ARHGEF15: variants seen among roughly 807,000 people sequenced by gnomAD.
The protein encoded by ARHGEF15 is Rho guanine nucleotide exchange factor (GEF) 15.
ARHGEF15 carries 58 observed loss-of-function variants against 79.7 expected under a neutral mutation model. That is an observed-to-expected ratio of 0.73 (90% CI 0.59 to 0.91). ARHGEF15 has a LOEUF of 0.91. ARHGEF15 is among the 40% of genes least tolerant of loss of function. The pLI, the probability that ARHGEF15 is intolerant of heterozygous loss-of-function variation, is 0.00. For missense variants in ARHGEF15, 1,012 were observed against 1,108.1 expected, an observed-to-expected ratio of 0.91 and a Z score of 1.23; for synonymous variants, 442 against 456.0, an observed-to-expected ratio of 0.97 and a Z score of 0.39.
chr17:8,313,062 C>A lies in ARHGEF15; in HGVS notation c.742C>A (p.Arg248Ser), dbSNP rs768143236. The A allele has an allele frequency of 6.2e-7, 1 of 1,613,528 alleles. No individual in the cohort carries two copies. The highest frequency in any genetic ancestry group is 2.2e-5 in the East Asian group (1 of 44,868). ...TCGGGCCTCCCCGCTGCGGACCTCT[C>A]GCTCCCGCCCCCACCCTCCAAGCAT... The part of the protein sequence containing the change: ...PRRASPLRTS[R>S]SRPHPPSIGH... The change falls in exon 3 of 16, where the codon CGC becomes AGC. Residue 248 changes from arginine (R) to serine (S), a missense_variant. This residue lies in a region of ARHGEF15 where 818 missense variants were observed against 882.5 expected (regional missense o/e 0.93). Coordinates refer to ENST00000361926, the MANE Select transcript of ARHGEF15 (RefSeq NM_173728.4).
Position 8,313,560 on chromosome 17 carries a change from T to C in ARHGEF15, c.989+5T>C, listed in dbSNP as rs773497449. The C allele has an allele frequency of 3.5e-5, 57 of 1,612,882 alleles. No individual in the cohort carries two copies. The highest frequency in any genetic ancestry group is 6.7e-5 in the Admixed American group (4 of 59,870). On this transcript the variant is annotated splice_donor_5th_base_variant and intron_variant, in intron 4 of 15. Coordinates refer to ENST00000361926, the MANE Select transcript of ARHGEF15 (RefSeq NM_173728.4). ...TCCAGCAACTGTGGAGGGGAGGTAC[T>C]GAACACCCCCACCCCTACTCCCTGG...
chr17:8,315,152 G>C lies in ARHGEF15; in HGVS notation c.1135G>C (p.Ala379Pro). The C allele has an allele frequency of 1.2e-6, 2 of 1,614,082 alleles. No individual in the cohort carries two copies. The highest frequency in any genetic ancestry group is 2.2e-5 in the South Asian group (2 of 91,078). The change falls in exon 6 of 16, where the codon GCT becomes CCT. Residue 379 changes from alanine (A) to proline (P), a missense_variant. Transcript: ENST00000361926. This position sits in a 1 kb window ranked among gnomAD's most constrained non-coding sequence, Gnocchi z 4.3. Reference protein sequence around the residue: ...GEDGSPSPANAGDAPTFPRPP... With the variant: ...GEDGSPSPANPGDAPTFPRPP... ...GGATGGGAGTCCTTCTCCAGCAAAT[G>C]CTGGAGATGCACCCACCTTCCCACG...
chr17:8,318,962 AGCG>A lies in ARHGEF15; in HGVS notation c.2034-43_2034-41del. 1 of 1,609,410 alleles carries A rather than the reference AGCG, an allele frequency of 6.2e-7. No individual in the cohort carries two copies. ...AGGCTGGAGTGGGCAGGAGGGGTCC[AGCG>A]GGACCCCTGCTGTCCTTCTGAACGA... On this transcript the variant is annotated intron_variant, in intron 12 of 15. Transcript: ENST00000361926. This position sits in a 1 kb window ranked among gnomAD's most constrained non-coding sequence, Gnocchi z 5.0.
rs1905369215 is a variant in ARHGEF15 at position 8,321,239 on chromosome 17, G to A, written c.*246G>A. On this transcript the variant is annotated 3_prime_UTR_variant, in exon 16 of 16. Coordinates refer to ENST00000361926, the MANE Select transcript of ARHGEF15 (RefSeq NM_173728.4). ...AGAGGCTTAGTGCAGAGCAGCCAAT[G>A]GGTACTGAGCTGGCTGAGCCTATGG... 1.9e-6 allele frequency: 1 copy of A among 539,090 alleles called. No individual in the cohort carries two copies. The highest frequency in any genetic ancestry group is 3.3e-6 in the Non-Finnish European group (1 of 304,358). The allele number at this position is 539,090 out of a possible 1,614,324, so 33.4% of individuals were successfully genotyped here.
chr17:8,321,102 G>T lies in ARHGEF15; in HGVS notation c.*109G>T. The T allele has an allele frequency of 6.8e-7, 1 of 1,474,656 alleles. No homozygotes were observed. The highest frequency in any genetic ancestry group is 9.3e-7 in the Non-Finnish European group (1 of 1,077,388). 91.3% of individuals were successfully genotyped at this position (1,474,656 alleles called of 1,614,324 possible). On this transcript the variant is annotated 3_prime_UTR_variant, in exon 16 of 16. Coordinates refer to ENST00000361926, the MANE Select transcript of ARHGEF15 (RefSeq NM_173728.4). The stretch of plus-strand genomic sequence containing the variant: ...ACTGTCAGTGGAGATACTACCTCTC[G>T]TGGCAACCATAGAGATCGAGCTTCA...
chr17:8,315,897 A>G lies in ARHGEF15; in HGVS notation c.1564A>G (p.Ser522Gly). The change falls in exon 8 of 16, where the codon AGC becomes GGC. Residue 522 changes from serine (S) to glycine (G), a missense_variant. Physicochemically the swap from Ser to Gly is moderately conservative, Grantham distance 56. Transcript: ENST00000361926. This position sits in a 1 kb window ranked among gnomAD's most constrained non-coding sequence, Gnocchi z 4.3. ...CCAGCAGTATCAGGAGGAGACCTACAGCCGCCTCATGTGAGTGTCCCAGGG... is the reference window on the plus strand; with the variant it reads ...CCAGCAGTATCAGGAGGAGACCTACGGCCGCCTCATGTGAGTGTCCCAGGG... ...RNQQYQEETY[S>G]RLMDTNVRFS... The G allele has an allele frequency of 1.9e-6, 3 of 1,609,530 alleles. No homozygotes were observed. Among genetic ancestry groups the G allele is most frequent in the Non-Finnish European group, 1.7e-6 (2 of 1,179,924 alleles).
intron 4 of ARHGEF15, chr17:8,313,873 T>C (rs1904833995): frequency 8.2e-6 from 2 of 243,810 alleles, no homozygotes; most frequent in East Asian, 8.1e-5. Flanking sequence ...CTACTAAAAA[T>C]ACAAAAATTA....
intron 4 of ARHGEF15, 61 bp from the exon 5 acceptor site, chr17:8,314,845 C>T: frequency 6.3e-7 from 1 of 1,598,398 alleles, no homozygotes; most frequent in Non-Finnish European, 8.5e-7. Flanking sequence ...TGAGAACAAG[C>T]ACCCCTACGG....
rs1272873784 is a variant in ARHGEF15, at chr17:8,313,041, G to T, written c.721G>T (p.Ala241Ser). 4 of 1,613,420 alleles carry T rather than the reference G, an allele frequency of 2.5e-6. No individual in the cohort carries two copies. In the South Asian group the frequency reaches 3.3e-5, roughly 13 times the overall value. Residue 241 changes from alanine (A) to serine (S), a missense_variant, in exon 3 of 16, where the codon GCC becomes TCC. Physicochemically the swap from Ala to Ser is moderately conservative, Grantham distance 99 (BLOSUM62 1). Around this residue, in one of 3 missense-constraint regions of ARHGEF15, gnomAD observed 818 missense variants for 882.5 expected, o/e 0.93. Coordinates refer to ENST00000361926, the MANE Select transcript of ARHGEF15 (RefSeq NM_173728.4). ...YEEVPRVPRR[A>S]SPLRTSRSRP... ...GGAGGTCCCCAGGGTCCCCCGTCGG[G>T]CCTCCCCGCTGCGGACCTCTCGCTC...
chr17:8,315,935 C>G lies in ARHGEF15; in HGVS notation c.1574+28C>G. The G allele has an allele frequency of 6.2e-7, 1 of 1,605,090 alleles. No homozygotes were observed. ...GAGTGTCCCAGGGGTGGGGAGGAAG[C>G]TGGGGAGAGGGATGGGACCGAGGCC... On this transcript the variant is annotated intron_variant, in intron 8 of 15. Transcript: ENST00000361926. This position sits in a 1 kb window ranked among gnomAD's most constrained non-coding sequence, Gnocchi z 4.3.
At chr17:8,312,807 T>C (rs1193363346) in intron 2 of ARHGEF15, 115 bp from the exon 3 acceptor site, 39 of 1,554,990 alleles carry the variant, frequency 2.5e-5, no homozygotes, top group East Asian at 2.2e-5. Flanking sequence ...AGGAGATCTA[T>C]AGATGCCTGG....
At position 8,319,365 on chromosome 17, in the gene ARHGEF15, G is replaced by A. The variant is rs767983703; in HGVS notation, c.2240G>A (p.Cys747Tyr). Reference protein sequence around the residue: ...GAFPTPGPLPCSPDTIYEDCD... With the variant: ...GAFPTPGPLPYSPDTIYEDCD... The stretch of plus-strand genomic sequence containing the variant: ...TTCCCAACCCCAGGCCCCCTTCCCT[G>A]CTCCCCAGACACCATCTATGAGGAC... Residue 747 changes from cysteine (C) to tyrosine (Y), a missense_variant, in exon 14 of 16, where the codon TGC becomes TAC. Transcript: ENST00000361926. The A allele has an allele frequency of 3.1e-6, 5 of 1,613,976 alleles. No individual in the cohort carries two copies. In the South Asian group the frequency reaches 5.5e-5, roughly 18 times the overall value.
chr17:8,312,829 G>A lies in ARHGEF15; in HGVS notation c.602-93G>A, dbSNP rs1904737029. On this transcript the variant is annotated intron_variant, in intron 2 of 15. Coordinates refer to ENST00000361926, the MANE Select transcript of ARHGEF15 (RefSeq NM_173728.4). ...CTATAGATGCCTGGACCTTGATATT[G>A]CAGTTGCTGGGCAGGTTAAAGATGG... The A allele has an allele frequency of 3.2e-6, 5 of 1,556,866 alleles. No homozygotes were observed. In the African/African-American group the frequency reaches 6.8e-5, roughly 21 times the overall value.
intron 3 of ARHGEF15, 107 bp from the exon 4 acceptor site, chr17:8,313,394 G>T (rs77113746): frequency 3.3e-6 from 5 of 1,502,168 alleles, no homozygotes; most frequent in Non-Finnish European, 4.5e-6. Flanking sequence ...TGGTGCTGAA[G>T]AGAGTTGCAG....
At chr17:8,314,779 T>G in intron 4 of ARHGEF15, 127 bp from the exon 5 acceptor site, 1 of 971,494 alleles carries the variant, frequency 1.0e-6, no homozygotes, top group Non-Finnish European at 1.5e-6. Context: ...AGGTTTGATT[T>G]GGGGAGCCGT....
chr17:8,321,896 GA>G lies in ARHGEF15; in HGVS notation c.*904del, dbSNP rs1398118270. On this transcript the variant is annotated 3_prime_UTR_variant, in exon 16 of 16. Coordinates refer to ENST00000361926, the MANE Select transcript of ARHGEF15 (RefSeq NM_173728.4). ...AACGGCCTGGCAGAGGAGCCCAAGGGACTGAAGATGGCCAGTAGCTGGGTCC... is the reference window on the plus strand; with the variant it reads ...AACGGCCTGGCAGAGGAGCCCAAGGGCTGAAGATGGCCAGTAGCTGGGTCC... The G allele has an allele frequency of 1.3e-5, 2 of 152,572 alleles. No individual in the cohort carries two copies. Among genetic ancestry groups the G allele is most frequent in the Non-Finnish European group, 2.9e-5 (2 of 68,104 alleles). The allele number at this position is 152,572 out of a possible 1,614,324, so 9.5% of individuals were successfully genotyped here. A position where few individuals can be genotyped will look rare whatever the true frequency, so the allele number is the denominator to read the frequency against.
Position 8,310,389 on chromosome 17 carries a change from G to A in ARHGEF15, c.-50+46G>A, listed in dbSNP as rs1474302787. On this transcript the variant is annotated intron_variant, in intron 1 of 15. Coordinates refer to ENST00000361926, the MANE Select transcript of ARHGEF15 (RefSeq NM_173728.4). ...TGCAGAGTTAGGGAGGGAAGCCTGC[G>A]GGAGGGTCCCTGGGTGTGAAATAGG... is the stretch of plus-strand genomic sequence containing the variant. 4.6e-5 allele frequency: 7 copies of A among 152,156 alleles called. No homozygotes were observed. In the South Asian group the frequency reaches 1.0e-3, roughly 22 times the overall value. The allele number at this position is 152,156 out of a possible 1,614,324, so 9.4% of individuals were successfully genotyped here. A position where few individuals can be genotyped will look rare whatever the true frequency, so the allele number is the denominator to read the frequency against.
chr17:8,321,797 T>C lies in ARHGEF15; in HGVS notation c.*804T>C, dbSNP rs1167978798. ...TGGGTGTGGCTTGGCACCCAGGGGA[T>C]GAGAGCCCTGAGCTTTGGGTCTCTT... On this transcript the variant is annotated 3_prime_UTR_variant, in exon 16 of 16. Coordinates refer to ENST00000361926, the MANE Select transcript of ARHGEF15 (RefSeq NM_173728.4). The C allele has an allele frequency of 6.6e-6, 1 of 152,142 alleles. No homozygotes were observed. The highest frequency in any genetic ancestry group is 1.5e-5 in the Non-Finnish European group (1 of 68,044). 9.4% of individuals were successfully genotyped at this position (152,142 alleles called of 1,614,324 possible).
Position 8,315,994 on chromosome 17 carries a change from C to A in ARHGEF15, c.1575-25C>A. On this transcript the variant is annotated intron_variant, in intron 8 of 15. Transcript: ENST00000361926. The surrounding 1 kb of genome is among the most constrained non-coding windows in gnomAD (Gnocchi z 4.3). ...TTGGGGCACCAGGGCCTCCAGGCAG[C>A]CGCTAGCCATGCCTGCTTCTGCAGG... The A allele has an allele frequency of 6.3e-7, 1 of 1,598,750 alleles. No individual in the cohort carries two copies. Among genetic ancestry groups the A allele is most frequent in the East Asian group, 2.2e-5 (1 of 44,812 alleles).
Sources: allele counts gnomAD v4.1 joint callset, GRCh38; gene constraint gnomAD v4.1.1; regional missense constraint gnomAD v4.1.1; non-coding constraint Gnocchi (gnomAD v3.1); transcripts MANE v1.5; gene names NCBI Gene and HGNC (gene_info 2026-07-23, HGNC 2026-07-21).